B3GALT1: variants seen among roughly 807,000 people sequenced by gnomAD.
B3GALT1 encodes beta-1,3-galactosyltransferase 1.
Under a neutral mutation model 23.2 loss-of-function variants are expected in B3GALT1, and 10 were observed. The ratio of observed to expected loss-of-function variants is 0.43; its 90% CI spans 0.27 to 0.73. The LOEUF is 0.73. Among genes scored for constraint, B3GALT1 ranks in the 30% least tolerant of loss-of-function variants. The pLI, the probability that B3GALT1 is intolerant of heterozygous loss-of-function variation, is 0.21. For missense variants in B3GALT1, 299 were observed against 405.4 expected (o/e 0.74, Z 2.25); for synonymous variants, 156 against 141.5 (o/e 1.10, Z -0.73).
At position 167,374,167 on chromosome 2, in the gene B3GALT1, G is replaced by A. The variant is rs566712605; in HGVS notation, c.-511+80833G>A. Reference sequence around the variant, plus strand: ...GCTTAGGATAATTGTCTCCAGCTGCGTCCATGCAGCTGGCAATGGATATGA... The same window carrying A: ...GCTTAGGATAATTGTCTCCAGCTGCATCCATGCAGCTGGCAATGGATATGA... On this transcript the variant is annotated intron_variant, in intron 1 of 4. Transcript: ENST00000392690. Among the ~76,000 whole-genome samples the A allele has an allele frequency of 9.3e-4, 142 of 152,194 alleles. 3 individuals are homozygous for A. The South Asian group carries it at 0.022, about 23-fold the overall frequency.
At chr2:167,817,532 C>A (rs555957144) in intron 3 of B3GALT1, among the ~76,000 whole-genome samples, 2 of 152,222 alleles carry the variant, frequency 1.3e-5, no homozygotes, top group South Asian at 4.1e-4. Context: ...CATACACTTA[C>A]CCATCACACA....
chr2:167,724,431 T>C (rs1687277490), intron 3 of B3GALT1, among the ~76,000 whole-genome samples: 1 of 152,184 alleles, frequency 6.6e-6, no homozygotes, highest in Non-Finnish European at 1.5e-5. Context: ...TAAGCTATTA[T>C]TAAAGGACTG....
At chr2:167,478,605 T>C (rs1397609632) in intron 1 of B3GALT1, among the ~76,000 whole-genome samples, 2 of 151,904 alleles carry the variant, frequency 1.3e-5, no homozygotes, top group Admixed American at 6.6e-5. Flanking sequence ...CTAGGGTACA[T>C]GTGCACAACG....
intron 3 of B3GALT1, among the ~76,000 whole-genome samples, chr2:167,656,492 T>A (rs1685958036): frequency 6.6e-6 from 1 of 152,150 alleles, no homozygotes; most frequent in African/African-American, 2.4e-5. Context: ...ACTTTTTCAA[T>A]CCTCTTTTAC....
chr2:167,590,464 C>A (rs1684660572), intron 2 of B3GALT1, among the ~76,000 whole-genome samples: 2 of 151,702 alleles, frequency 1.3e-5, no homozygotes. Context: ...TGTGACAGAC[C>A]CACACATCCT....
chr2:167,324,607 C>T (rs1333226960), intron 1 of B3GALT1, among the ~76,000 whole-genome samples: 1 of 152,000 alleles, frequency 6.6e-6, no homozygotes, highest in East Asian at 1.9e-4. Context: ...TAGATTTGAA[C>T]ATATTTATGG....
At chr2:167,650,843 A>G (rs757032568) in intron 3 of B3GALT1, among the ~76,000 whole-genome samples, 1 of 152,124 alleles carries the variant, frequency 6.6e-6, no homozygotes, top group African/African-American at 2.4e-5. Flanking sequence ...CAAAGAAGAA[A>G]TACTCCCTCT....
intron 3 of B3GALT1, among the ~76,000 whole-genome samples, chr2:167,667,277 C>G (rs568931229): frequency 6.6e-6 from 1 of 152,246 alleles, no homozygotes; most frequent in Admixed American, 6.5e-5. Context: ...TGAATATTGG[C>G]CCCCACTCTC....
At chr2:167,403,323 T>G (rs998253342) in intron 1 of B3GALT1, among the ~76,000 whole-genome samples, 2 of 152,112 alleles carry the variant, frequency 1.3e-5, no homozygotes, top group African/African-American at 4.8e-5. Context: ...ATTTCCAGCT[T>G]CATCCATGTC....
chr2:167,297,410 A>G (rs921620186), intron 1 of B3GALT1, among the ~76,000 whole-genome samples: 46 of 150,864 alleles, frequency 3.0e-4, no homozygotes, highest in Admixed American at 4.6e-4. Context: ...AAAAAAAACT[A>G]GGTTTTGAGG....
At chr2:167,391,178 TG>T (rs1313808766) in intron 1 of B3GALT1, among the ~76,000 whole-genome samples, 5 of 152,176 alleles carry the variant, frequency 3.3e-5, no homozygotes, top group Admixed American at 6.5e-5. Flanking sequence ...GTAGCTTAAT[TG>T]TATTGTAGAA....
At chr2:167,513,992 C>T (rs1236835) in intron 2 of B3GALT1, among the ~76,000 whole-genome samples, 7,047 of 152,138 alleles carry the variant, frequency 0.046, 544 homozygotes, top group African/African-American at 0.16. Context: ...CTGCAAGCTC[C>T]GCCTCCCGGG....
rs566602658 is a variant in B3GALT1, at chr2:167,669,093, A to G, written c.-352+22127A>G. On this transcript the variant is annotated intron_variant, in intron 3 of 4. Coordinates refer to ENST00000392690, the MANE Select transcript of B3GALT1 (RefSeq NM_020981.4). ...CTCTTATTTTTTCCGCAAAACATGT[A>G]GCTTCTAATATATTAATTCCTTGTT... 5.3e-5 allele frequency among the ~76,000 whole-genome samples: 8 copies of G among 152,212 alleles called. No individual in the cohort carries two copies. In the South Asian group the frequency reaches 1.7e-3, roughly 32 times the overall value.
Position 167,620,479 on chromosome 2 carries a change from A to G in B3GALT1, c.-409-26430A>G, listed in dbSNP as rs150923316. On this transcript the variant is annotated intron_variant, in intron 2 of 4. Transcript: ENST00000392690. The stretch of plus-strand genomic sequence containing the variant: ...ATCATTAGTGGTTTTAAGCAGAGGC[A>G]TCATGGGATTGAAAGTACAATCAAT... Among the ~76,000 whole-genome samples, 8 of 152,276 alleles carry G rather than the reference A, an allele frequency of 5.3e-5. No homozygotes were observed. In the East Asian group the frequency reaches 1.5e-3, roughly 29 times the overall value.
At chr2:167,651,070 A>G (rs1044358469) in intron 3 of B3GALT1, among the ~76,000 whole-genome samples, 2 of 151,930 alleles carry the variant, frequency 1.3e-5, no homozygotes, top group African/African-American at 4.8e-5. Context: ...ATAAAGATAA[A>G]TTGTCCTGAG....
At chr2:167,843,885 C>T (rs111496714) in intron 4 of B3GALT1, among the ~76,000 whole-genome samples, 3 of 152,250 alleles carry the variant, frequency 2.0e-5, no homozygotes, top group African/African-American at 7.2e-5. Flanking sequence ...ATTGTTAGTG[C>T]CTTTGTTCTC....
At chr2:167,858,180 A>C (rs998700043) in intron 4 of B3GALT1, among the ~76,000 whole-genome samples, 1 of 152,124 alleles carries the variant, frequency 6.6e-6, no homozygotes, top group Non-Finnish European at 1.5e-5. Flanking sequence ...TAGTAATGAC[A>C]ATAGTCATGA....
At chr2:167,463,106 A>G (rs1271088348) in intron 1 of B3GALT1, among the ~76,000 whole-genome samples, 2 of 151,886 alleles carry the variant, frequency 1.3e-5, no homozygotes, top group Non-Finnish European at 1.5e-5. Flanking sequence ...AATCTTTCCT[A>G]ATGAGTTGTC....
rs1404012292 is a variant in B3GALT1, at chr2:167,490,156, T to C, written c.-510-21T>C. The stretch of plus-strand genomic sequence containing the variant: ...GCTGAAGTGCCTCCAAAGTTACTCA[T>C]ATATTTTTCTTTCCTTTTAGACCCA... On this transcript the variant is annotated intron_variant, in intron 1 of 4. Transcript: ENST00000392690. 7.2e-5 allele frequency: 11 copies of C among 152,200 alleles called. 1 individual carries two copies. The highest frequency in any genetic ancestry group is 7.2e-4 in the Admixed American group (11 of 15,272). The allele number at this position is 152,200 out of a possible 1,614,324, so 9.4% of individuals were successfully genotyped here.
Sources: allele counts gnomAD v4.1 joint callset (sites outside exome capture counted in the v4.1 genomes callset), GRCh38; gene constraint gnomAD v4.1.1; transcripts MANE v1.5; gene names NCBI Gene and HGNC (gene_info 2026-07-23, HGNC 2026-07-21).